The following SUGCT variants were observed in gnomAD, a reference collection of about 807,000 sequenced individuals.
SUGCT encodes succinyl-CoA:glutarate CoA-transferase.
Under a neutral mutation model 55.0 loss-of-function variants are expected in SUGCT, and 41 were observed. That is an observed-to-expected ratio of 0.74 (90% CI 0.58 to 0.97). The LOEUF is 0.97. SUGCT is among the 50% of genes least tolerant of loss of function. SUGCT has a pLI of 0.00. For synonymous variants in SUGCT, 187 were observed against 200.4 expected (o/e 0.93, Z 0.56); for missense variants, 568 against 547.8 (o/e 1.04, Z -0.37).
chr7:40,884,408 C>T, the SUGCT span, among the ~76,000 whole-genome samples: 1 of 152,162 alleles, frequency 6.6e-6, no homozygotes, highest in Admixed American at 6.6e-5. Flanking sequence ...TTTTGGATCC[C>T]TGGAGAGATG....
intron 12 of SUGCT, among the ~76,000 whole-genome samples, chr7:40,729,332 A>G (rs556321813): frequency 1.4e-4 from 22 of 152,366 alleles, no homozygotes; most frequent in African/African-American, 4.1e-4. Context: ...CTCAGGGACT[A>G]TATGTCCACA....
chr7:40,219,011 T>C (rs1787856258), intron 6 of SUGCT, among the ~76,000 whole-genome samples: 2 of 152,218 alleles, frequency 1.3e-5, no homozygotes, highest in South Asian at 4.1e-4. Flanking sequence ...ACTCACTCTT[T>C]GGGTCCGCAC....
At chr7:40,658,523 G>A (rs1010554862) in intron 12 of SUGCT, among the ~76,000 whole-genome samples, 11 of 151,980 alleles carry the variant, frequency 7.2e-5, no homozygotes, top group East Asian at 5.8e-4. Flanking sequence ...CCTTATCTGC[G>A]GGTCAGGGAA....
chr7:40,552,938 TC>T (rs1351302361), intron 12 of SUGCT, among the ~76,000 whole-genome samples: 1 of 152,186 alleles, frequency 6.6e-6, no homozygotes, highest in Non-Finnish European at 1.5e-5. Flanking sequence ...CTTGCATCTT[TC>T]GTTCCCTATT....
chr7:40,622,665 C>T (rs557165364), intron 12 of SUGCT, among the ~76,000 whole-genome samples: 1 of 149,046 alleles, frequency 6.7e-6, no homozygotes, highest in Admixed American at 6.9e-5. Flanking sequence ...CCAGTATTTT[C>T]AGTTTTATCA....
chr7:40,917,589 A>G, the SUGCT span, among the ~76,000 whole-genome samples: 3 of 152,148 alleles, frequency 2.0e-5, no homozygotes, highest in African/African-American at 7.2e-5. Flanking sequence ...AGGAGGAGAG[A>G]AGAAGCCAGT....
chr7:40,981,780 G>T, the SUGCT span, among the ~76,000 whole-genome samples: 5 of 152,236 alleles, frequency 3.3e-5, no homozygotes, highest in East Asian at 9.6e-4. Flanking sequence ...GACAAATATT[G>T]CCTTTCCTCC....
At chr7:40,718,949 A>G (rs1231033530) in intron 12 of SUGCT, among the ~76,000 whole-genome samples, 3 of 152,248 alleles carry the variant, frequency 2.0e-5, no homozygotes, top group Non-Finnish European at 2.9e-5. Context: ...GTAACTGAAT[A>G]TGGTTCCCTA....
Position 40,196,975 on chromosome 7 carries a change from C to T in SUGCT, c.484+1915C>T, listed in dbSNP as rs146374491. ...TCAGCCACCCGAGTAGATGGGATTA[C>T]GGGCATGTACCACCTTGCCTGGCTA... On this transcript the variant is annotated intron_variant, in intron 6 of 13. Transcript: ENST00000335693. 2.1e-3 allele frequency among the ~76,000 whole-genome samples: 316 copies of T among 152,142 alleles called. 2 individuals are homozygous for T. Among genetic ancestry groups the T allele is most frequent in the Non-Finnish European group, 3.4e-3 (233 of 68,008 alleles).
At chr7:40,507,020 T>G (rs973031383) in intron 12 of SUGCT, among the ~76,000 whole-genome samples, 1 of 151,758 alleles carries the variant, frequency 6.6e-6, no homozygotes, top group Non-Finnish European at 1.5e-5. Flanking sequence ...TGATTTGAAG[T>G]TTTTTTTTCT....
intron 13 of SUGCT, among the ~76,000 whole-genome samples, chr7:40,749,874 A>T (rs1787921406): frequency 6.6e-6 from 1 of 152,174 alleles, no homozygotes; most frequent in Admixed American, 6.5e-5. Flanking sequence ...GCCAGGCAAG[A>T]TGTAACTGGA....
chr7:40,490,009 T>C (rs1399099786), intron 11 of SUGCT, among the ~76,000 whole-genome samples: 2 of 152,196 alleles, frequency 1.3e-5, no homozygotes, highest in Admixed American at 6.5e-5. Context: ...CCAAAGCCTA[T>C]GATCACTATA....
At chr7:40,924,265 C>CGTGTGTGTGT in the SUGCT span, among the ~76,000 whole-genome samples, 3,059 of 136,060 alleles carry the variant, frequency 0.022, 81 homozygotes, top group African/African-American at 0.048. Context: ...CTTTCAATTA[C>CGTGTGTGTGT]GTGTGTGTGT....
chr7:40,350,377 G>A (rs1797558612), intron 9 of SUGCT, among the ~76,000 whole-genome samples: 3 of 150,552 alleles, frequency 2.0e-5, no homozygotes, highest in Admixed American at 6.6e-5. Flanking sequence ...GCGGTGGCAC[G>A]ATCTCAGTTC....
At chr7:40,903,643 C>A in the SUGCT span, among the ~76,000 whole-genome samples, 1 of 152,144 alleles carries the variant, frequency 6.6e-6, no homozygotes, top group African/African-American at 2.4e-5. Context: ...GATAAACCCC[C>A]CTCTAGCAAT....
intron 12 of SUGCT, among the ~76,000 whole-genome samples, chr7:40,688,608 A>G (rs1224689328): frequency 6.6e-6 from 1 of 152,122 alleles, no homozygotes; most frequent in Admixed American, 6.5e-5. Context: ...TCACTGTTAT[A>G]TTAAAGACAA....
chr7:40,867,133 T>C, the SUGCT span, among the ~76,000 whole-genome samples: 2 of 89,588 alleles, frequency 2.2e-5, no homozygotes, highest in African/African-American at 5.6e-5. Flanking sequence ...TATATATATA[T>C]AATAAGATTA....
chr7:40,739,988 A>G (rs933829631), intron 12 of SUGCT, among the ~76,000 whole-genome samples: 8 of 152,180 alleles, frequency 5.3e-5, no homozygotes, highest in African/African-American at 1.9e-4. Context: ...TTAAACTTAT[A>G]CATTTTGGGA....
intron 12 of SUGCT, among the ~76,000 whole-genome samples, chr7:40,682,186 G>C (rs1584265853): frequency 6.6e-6 from 1 of 152,270 alleles, no homozygotes; most frequent in South Asian, 2.1e-4. Context: ...TGCTAAAAGA[G>C]GGGTCCCTGC....
Sources: gnomAD v4.1 joint callset for allele counts (sites outside exome capture counted in the v4.1 genomes callset) on GRCh38, gnomAD v4.1.1 for gene constraint, MANE v1.5 for transcripts, NCBI Gene and HGNC (gene_info 2026-07-23, HGNC 2026-07-21) for gene names.